The following CARS1 variants were observed in gnomAD, a reference collection of about 807,000 sequenced individuals.
CARS1 encodes the protein cysteinyl-tRNA synthetase 1, also known as cysteine--tRNA ligase, cytoplasmic.
CARS1 carries 48 observed loss-of-function variants against 106.2 expected under a neutral mutation model. That is an observed-to-expected ratio of 0.45 (90% CI 0.36 to 0.57). The LOEUF (loss-of-function observed/expected upper bound fraction) is 0.57, where lower values mean the gene tolerates loss of function less well. Ranked by LOEUF, CARS1 falls within the 20% of genes least tolerant of loss-of-function variation. The pLI is 0.00. For missense variants in CARS1, 968 were observed against 1,057.2 expected, an observed-to-expected ratio of 0.92 and a Z score of 1.17; for synonymous variants, 409 against 403.4, an observed-to-expected ratio of 1.01 and a Z score of -0.17.
rs201148286 is a variant in CARS1, at chr11:3,002,623, G to A, written c.2218-23C>T. The stretch of plus-strand genomic sequence containing the variant: ...AACCTGGAGGGTCAATACAGAGCCA[G>A]ATGAGACAGGGCTGCCTCAGGCTGC... On this transcript the variant is annotated intron_variant, in intron 20 of 22. Coordinates refer to ENST00000380525, the MANE Select transcript of CARS1 (RefSeq NM_001014437.3). The A allele has an allele frequency of 5.0e-6, 8 of 1,613,826 alleles. No individual in the cohort carries two copies. In the East Asian group the frequency reaches 1.8e-4, roughly 36 times the overall value.
At chr11:3,018,177 G>C (rs1469285432) in intron 14 of CARS1, 1 of 610,792 alleles carries the variant, frequency 1.6e-6, no homozygotes, top group Non-Finnish European at 2.9e-6. Flanking sequence ...TCAGAAGGAC[G>C]TGCACTGCAG....
Position 3,040,039 on chromosome 11 carries a change from G to T in CARS1, c.456-108C>A. The T allele has an allele frequency of 1.7e-6, 1 of 603,046 alleles. No homozygotes were observed. The highest frequency in any genetic ancestry group is 2.9e-6 in the Non-Finnish European group (1 of 348,478). The allele number at this position is 603,046 out of a possible 1,614,324, so 37.4% of individuals were successfully genotyped here. ...AGTGCATTTATATATGATTTTCTCT[G>T]CCATCCCTGAAACAGCAAGACCCCC... On this transcript the variant is annotated intron_variant, in intron 4 of 22. Coordinates refer to ENST00000380525, the MANE Select transcript of CARS1 (RefSeq NM_001014437.3). This position sits in a 1 kb window ranked among gnomAD's most constrained non-coding sequence, Gnocchi z 5.8.
In CARS1 at chr11:3,021,812, T is replaced by C. The variant is rs1851594189; in HGVS notation, c.1154-1480A>G. Among the ~76,000 whole-genome samples, 1 of 152,234 alleles carries C rather than the reference T, an allele frequency of 6.6e-6. No individual in the cohort carries two copies. Among genetic ancestry groups the C allele is most frequent in the African/African-American group, 2.4e-5 (1 of 41,474 alleles). ...CTGGCTTCCTTCTACCTCCGCACTG[T>C]TCTGCCACTGACAATTCCGCAAAAG... On this transcript the variant is annotated intron_variant, in intron 10 of 22. Transcript: ENST00000380525. The surrounding 1 kb of genome is among the most constrained non-coding windows in gnomAD (Gnocchi z 5.3).
chr11:3,051,838 T>G (rs1855724001), intron 1 of CARS1, among the ~76,000 whole-genome samples: 1 of 152,180 alleles, frequency 6.6e-6, no homozygotes, highest in African/African-American at 2.4e-5. Flanking sequence ...CATGCCTGGG[T>G]TGGACTCCAC....
rs1452299441 is a variant in CARS1, at chr11:3,017,182, G to A, written c.1841C>T (p.Ala614Val). ...GGGCCTCTTCCTCACGGCTTTCCGG[G>A]CTGCCATATAGAGGTTGCACTGACT... The part of the protein sequence containing the change: ...LVSQCNLYMA[A>V]RKAVRKRPNQ... The change falls in exon 16 of 23, where the codon GCC becomes GTC. Residue 614 changes from alanine (A) to valine (V), a missense_variant. Physicochemically the swap from Ala to Val is moderately conservative, Grantham distance 64. Coordinates refer to ENST00000380525, the MANE Select transcript of CARS1 (RefSeq NM_001014437.3). The surrounding 1 kb of genome is among the most constrained non-coding windows in gnomAD (Gnocchi z 4.9). The A allele has an allele frequency of 6.2e-7, 1 of 1,614,032 alleles. No individual in the cohort carries two copies. Among genetic ancestry groups the A allele is most frequent in the African/African-American group, 1.3e-5 (1 of 74,914 alleles).
rs1375128642 is a variant in CARS1, at chr11:3,050,397, C to T, written c.26-2396G>A. 6.6e-6 allele frequency among the ~76,000 whole-genome samples: 1 copy of T among 152,138 alleles called. No homozygotes were observed. The highest frequency in any genetic ancestry group is 2.4e-5 in the African/African-American group (1 of 41,426). On this transcript the variant is annotated intron_variant, in intron 1 of 22. Transcript: ENST00000380525. The surrounding 1 kb of genome is among the most constrained non-coding windows in gnomAD (Gnocchi z 6.3). ...TCCCTAGCCAAAACTGGAATCACAC[C>T]CCTTTACAAGTTATCCTTAGGAGCA... is the stretch of plus-strand genomic sequence containing the variant.
At chr11:3,057,121 C>T (rs1856290761) in intron 1 of CARS1, among the ~76,000 whole-genome samples, 1 of 151,158 alleles carries the variant, frequency 6.6e-6, no homozygotes. Flanking sequence ...CCCCGAGCAC[C>T]CCCGCCCCTC....
At position 3,028,980 on chromosome 11, in the gene CARS1, A is replaced by G. The variant is rs434114; in HGVS notation, c.1031+16T>C. ...TCTGCAGCCCTTCCCTCCCTAGGGA[A>G]GGCCCTTGTGCTTACCCGTAACCGT... On this transcript the variant is annotated intron_variant, in intron 9 of 22. Transcript: ENST00000380525. The surrounding 1 kb of genome is among the most constrained non-coding windows in gnomAD (Gnocchi z 4.4). The G allele has an allele frequency of 0.4, 629,756 of 1,580,330 alleles. 132,832 individuals carry two copies. Among genetic ancestry groups the G allele is most frequent in the East Asian group, 0.64 (28,672 of 44,668 alleles).
At chr11:3,042,656 T>C (rs575049340) in intron 2 of CARS1, among the ~76,000 whole-genome samples, 6 of 152,336 alleles carry the variant, frequency 3.9e-5, no homozygotes, top group African/African-American at 9.6e-5. Flanking sequence ...TACTGGCCCC[T>C]TTCTGGCAGT....
Position 3,040,090 on chromosome 11 carries a change from G to T in CARS1, c.456-159C>A. 1.8e-6 allele frequency: 1 copy of T among 551,472 alleles called. No individual in the cohort carries two copies. The highest frequency in any genetic ancestry group is 3.2e-6 in the Non-Finnish European group (1 of 315,248). The allele number at this position is 551,472 out of a possible 1,614,324, so 34.2% of individuals were successfully genotyped here. On this transcript the variant is annotated intron_variant, in intron 4 of 22. Transcript: ENST00000380525. The surrounding 1 kb of genome is among the most constrained non-coding windows in gnomAD (Gnocchi z 5.8). The stretch of plus-strand genomic sequence containing the variant: ...CCTTCTCCTCCTCAGTCTACTCAAC[G>T]TGAAGATGGCAAGGATGATGACCTT...
chr11:3,021,943 T>C lies in CARS1; in HGVS notation c.1154-1611A>G, dbSNP rs144197537. On this transcript the variant is annotated intron_variant, in intron 10 of 22. Transcript: ENST00000380525. The surrounding 1 kb of genome is among the most constrained non-coding windows in gnomAD (Gnocchi z 5.3). ...TATTATGAACTTACTCATGAAAGTTTATATCTGATTTTTTAAAAATACGCT... is the reference window on the plus strand; with the variant it reads ...TATTATGAACTTACTCATGAAAGTTCATATCTGATTTTTTAAAAATACGCT... 2.6e-3 allele frequency among the ~76,000 whole-genome samples: 399 copies of C among 152,344 alleles called. 4 individuals are homozygous for C. The highest frequency in any genetic ancestry group is 9.2e-3 in the African/African-American group (382 of 41,578).
At position 3,052,277 on chromosome 11, in the gene CARS1, A is replaced by G. The variant is rs530000015; in HGVS notation, c.26-4276T>C. Among the ~76,000 whole-genome samples the G allele has an allele frequency of 5.3e-4, 80 of 152,274 alleles. No homozygotes were observed. The highest frequency in any genetic ancestry group is 1.8e-3 in the African/African-American group (76 of 41,564). ...ACACGGCGGCATTTCCTCACGGTAA[A>G]ACACGCTCATAACATCAGCCCTGTA... On this transcript the variant is annotated intron_variant, in intron 1 of 22. Coordinates refer to ENST00000380525, the MANE Select transcript of CARS1 (RefSeq NM_001014437.3). The surrounding 1 kb of genome is among the most constrained non-coding windows in gnomAD (Gnocchi z 4.6).
intron 18 of CARS1, chr11:3,007,254 C>G (rs549666979): frequency 4.6e-6 from 2 of 436,726 alleles, no homozygotes; most frequent in Middle Eastern, 6.0e-4. Flanking sequence ...CACTGGCCGC[C>G]GGAAGCAGTT....
At chr11:3,027,945 G>T (rs1006556348) in intron 9 of CARS1, 5 of 442,292 alleles carry the variant, frequency 1.1e-5, no homozygotes, top group Non-Finnish European at 2.3e-5. Context: ...CCTGACATGA[G>T]TCAGGCTCGC....
rs2134071715 is a variant in CARS1, at chr11:3,002,562, G to A, written c.2256C>T (p.Ala752=). ...EEKRKKKEEA[A]RRKQEQEAAK... The stretch of plus-strand genomic sequence containing the variant: ...TTACTTCTTGTTCCTGTTTCCTCCG[G>A]GCCGCCTCCTCTTTCTTCTTCCTCT... The change falls in exon 21 of 23, where the codon GCC becomes GCT. Residue 752 remains alanine, a synonymous_variant. Coordinates refer to ENST00000380525, the MANE Select transcript of CARS1 (RefSeq NM_001014437.3). 6.2e-7 allele frequency: 1 copy of A among 1,614,134 alleles called. No homozygotes were observed. The highest frequency in any genetic ancestry group is 1.3e-5 in the African/African-American group (1 of 75,056).
chr11:3,001,573 A>T (rs944877383), intron 22 of CARS1, among the ~76,000 whole-genome samples: 22 of 152,346 alleles, frequency 1.4e-4, no homozygotes, highest in African/African-American at 4.3e-4. Context: ...TCCAAATGCC[A>T]GCAGGGAGGG....
chr11:3,007,491 G>C (rs1444033414), intron 18 of CARS1: 2 of 153,556 alleles, frequency 1.3e-5, no homozygotes, highest in Non-Finnish European at 2.9e-5. Context: ...GGAGAGCTGA[G>C]TCCCAGGACC....
rs764748363 is a variant in CARS1, at chr11:3,017,562, G to A, written c.1728-267C>T. ...GGAGGCTGAGGCAGGAGAATCGCTC[G>A]AACCCGGGAGGTGGAGGTTGTGGTG... On this transcript the variant is annotated intron_variant, in intron 15 of 22. Coordinates refer to ENST00000380525, the MANE Select transcript of CARS1 (RefSeq NM_001014437.3). This position sits in a 1 kb window ranked among gnomAD's most constrained non-coding sequence, Gnocchi z 4.9. 19 of 554,006 alleles carry A rather than the reference G, an allele frequency of 3.4e-5. No homozygotes were observed. The highest frequency in any genetic ancestry group is 5.6e-5 in the African/African-American group (3 of 53,140). The allele number at this position is 554,006 out of a possible 1,614,324, so 34.3% of individuals were successfully genotyped here.
Position 3,043,467 on chromosome 11 carries a change from C to A in CARS1, c.275-1211G>T, listed in dbSNP as rs893814622. Among the ~76,000 whole-genome samples, 1 of 151,730 alleles carries A rather than the reference C, an allele frequency of 6.6e-6. No individual in the cohort carries two copies. Among genetic ancestry groups the A allele is most frequent in the Non-Finnish European group, 1.5e-5 (1 of 67,956 alleles). ...CTGCGTTATGCTCTGCTGGGCACCT[C>A]TGACCCCAGCTGGTGCCTGGCCCTG... On this transcript the variant is annotated intron_variant, in intron 2 of 22. Coordinates refer to ENST00000380525, the MANE Select transcript of CARS1 (RefSeq NM_001014437.3). The surrounding 1 kb of genome is among the most constrained non-coding windows in gnomAD (Gnocchi z 4.0).
Sources: gnomAD v4.1 joint callset for allele counts (sites outside exome capture counted in the v4.1 genomes callset) on GRCh38, gnomAD v4.1.1 for gene constraint, Gnocchi (gnomAD v3.1) non-coding constraint, MANE v1.5 for transcripts, NCBI Gene and HGNC (gene_info 2026-07-23, HGNC 2026-07-21) for gene names.